VAMP7: variants seen among roughly 807,000 people sequenced by gnomAD.
VAMP7 encodes the protein vesicle-associated membrane protein 7.
VAMP7 carries 14 observed loss-of-function variants against 29.6 expected under a neutral mutation model. The observed-to-expected ratio is 0.47, with a 90% CI of 0.31 to 0.74. VAMP7 has a LOEUF of 0.74. Ranked by LOEUF, VAMP7 falls within the 30% of genes least tolerant of loss-of-function variation. The pLI, the probability that VAMP7 is intolerant of heterozygous loss-of-function variation, is 0.05. For missense variants in VAMP7, 223 were observed against 262.4 expected (o/e 0.85, Z 1.04); for synonymous variants, 95 against 88.1 (o/e 1.08, Z -0.44).
intron 1 of VAMP7, among the ~76,000 whole-genome samples, chrX:155,882,951 T>C (rs1429944084): frequency 6.6e-6 from 1 of 152,206 alleles, no homozygotes; most frequent in East Asian, 1.9e-4. Context: ...ATTCCTGTTC[T>C]TCATCCGAGG....
At chrX:155,887,820 A>G (rs1257394256) in intron 1 of VAMP7, among the ~76,000 whole-genome samples, 8 of 151,588 alleles carry the variant, frequency 5.3e-5, no homozygotes, top group Non-Finnish European at 1.2e-4. Context: ...AGTCCCAGAT[A>G]CTCCAGAGGC....
At chrX:155,936,140 G>A (rs915186631) in intron 6 of VAMP7, among the ~76,000 whole-genome samples, 6 of 152,116 alleles carry the variant, frequency 3.9e-5, no homozygotes, top group African/African-American at 1.4e-4. Context: ...AGGCTGCTTG[G>A]GGGTCAGGGA....
chrX:155,901,199 A>G (rs967495), intron 5 of VAMP7, among the ~76,000 whole-genome samples: 91,864 of 151,828 alleles, frequency 0.61, 27,915 homozygotes, highest in East Asian at 0.69. Flanking sequence ...ATTAATTATC[A>G]GGAATGGGAT....
intron 6 of VAMP7, among the ~76,000 whole-genome samples, chrX:155,923,762 C>T (rs1602992776): frequency 6.6e-6 from 1 of 152,158 alleles, no homozygotes; most frequent in African/African-American, 2.4e-5. Context: ...CTGTATTAAG[C>T]CACTTGAAGC....
intron 5 of VAMP7, among the ~76,000 whole-genome samples, chrX:155,913,920 GGT>G (rs1188827016): frequency 6.6e-6 from 1 of 152,120 alleles, no homozygotes; most frequent in Non-Finnish European, 1.5e-5. Flanking sequence ...GAAAGTCAAT[GGT>G]AGCTGGATGG....
intron 1 of VAMP7, among the ~76,000 whole-genome samples, chrX:155,886,607 A>G (rs2065868491): frequency 6.6e-6 from 1 of 152,096 alleles, no homozygotes; most frequent in African/African-American, 2.4e-5. Flanking sequence ...ACATATCTCT[A>G]GTTCCTCCAG....
At chrX:155,914,845 A>C (rs771709100) in intron 5 of VAMP7, among the ~76,000 whole-genome samples, 8 of 152,254 alleles carry the variant, frequency 5.3e-5, no homozygotes, top group East Asian at 1.9e-4. Flanking sequence ...TGTCTCTGCC[A>C]GGCTTTGGTA....
chrX:155,914,439 TG>T lies in VAMP7; in HGVS notation c.434-5372del, dbSNP rs1444592799. 3.9e-5 allele frequency among the ~76,000 whole-genome samples: 6 copies of T among 152,266 alleles called. No homozygotes were observed. The South Asian group carries it at 8.3e-4, about 21-fold the overall frequency. On this transcript the variant is annotated intron_variant, in intron 5 of 7. Transcript: ENST00000286448. ...GAGGGAGGGCATCCTTGTCTTGTGCTGGTTTTCAAAGGGAATACTTCCAGCT... is the reference window on the plus strand; with the variant it reads ...GAGGGAGGGCATCCTTGTCTTGTGCTGTTTTCAAAGGGAATACTTCCAGCT...
chrX:155,907,916 A>G (rs1415884484), intron 5 of VAMP7, among the ~76,000 whole-genome samples: 1 of 151,926 alleles, frequency 6.6e-6, no homozygotes, highest in African/African-American at 2.4e-5. Context: ...CTCACCTCCC[A>G]GAAGGGGCGG....
intron 5 of VAMP7, among the ~76,000 whole-genome samples, chrX:155,912,387 T>G (rs1444234457): frequency 6.6e-6 from 1 of 152,166 alleles, no homozygotes; most frequent in African/African-American, 2.4e-5. Flanking sequence ...ATACTTTAAA[T>G]TCTGGGATAC....
At chrX:155,933,133 G>T (rs1603015108) in intron 6 of VAMP7, among the ~76,000 whole-genome samples, 1 of 152,050 alleles carries the variant, frequency 6.6e-6, no homozygotes, top group South Asian at 2.1e-4. Context: ...TTTTGCGTCG[G>T]TGTTCATTAG....
At chrX:155,937,123 G>T (rs1182498294) in intron 6 of VAMP7, among the ~76,000 whole-genome samples, 2 of 151,958 alleles carry the variant, frequency 1.3e-5, no homozygotes, top group East Asian at 3.8e-4. Context: ...TCTAAAATGT[G>T]GATGAAACTA....
At chrX:155,932,870 A>G (rs895983518) in intron 6 of VAMP7, among the ~76,000 whole-genome samples, 2 of 152,168 alleles carry the variant, frequency 1.3e-5, no homozygotes, top group Non-Finnish European at 2.9e-5. Context: ...ATTTTGAAAT[A>G]CGTCCCATCA....
At chrX:155,917,830 G>C (rs937668661) in intron 5 of VAMP7, among the ~76,000 whole-genome samples, 1 of 152,182 alleles carries the variant, frequency 6.6e-6, no homozygotes, top group African/African-American at 2.4e-5. Flanking sequence ...CAGAGCTTGA[G>C]CACTGTGCTG....
At chrX:155,934,233 G>C (rs1358889691) in intron 6 of VAMP7, among the ~76,000 whole-genome samples, 3 of 152,182 alleles carry the variant, frequency 2.0e-5, no homozygotes, top group Non-Finnish European at 4.4e-5. Flanking sequence ...GTGCAGAGCT[G>C]AGTTCAATTC....
Position 155,942,587 on chromosome X carries a change from A to T in VAMP7, c.*636A>T, listed in dbSNP as rs2066762670. 5.6e-6 allele frequency: 1 copy of T among 178,452 alleles called. No individual in the cohort carries two copies. The allele number at this position is 178,452 out of a possible 1,614,324, so 11.1% of individuals were successfully genotyped here. On this transcript the variant is annotated 3_prime_UTR_variant, in exon 8 of 8. Coordinates refer to ENST00000286448, the MANE Select transcript of VAMP7 (RefSeq NM_005638.6). The stretch of plus-strand genomic sequence containing the variant: ...ATATTGACTTTCAGGAATAAAGTTC[A>T]GTGTGCTGATCATTCACAATACAGT...
chrX:155,938,214 C>T (rs1275390542), intron 6 of VAMP7, among the ~76,000 whole-genome samples: 1 of 152,118 alleles, frequency 6.6e-6, no homozygotes, highest in African/African-American at 2.4e-5. Flanking sequence ...TGTCTCCTCA[C>T]TTTAACTGCT....
At chrX:155,919,964 A>C (rs2066372196) in intron 6 of VAMP7, 84 bp downstream of exon 6, 2 of 1,104,982 alleles carry the variant, frequency 1.8e-6, no homozygotes, top group Non-Finnish European at 2.7e-6. Context: ...GAAATACCTT[A>C]AATTCAAATA....
intron 6 of VAMP7, among the ~76,000 whole-genome samples, chrX:155,930,818 A>G (rs1053958506): frequency 4.0e-5 from 6 of 151,884 alleles, no homozygotes; most frequent in African/African-American, 1.5e-4. Flanking sequence ...CCATTAACTC[A>G]TCATTTACAT....
Sources: allele counts gnomAD v4.1 joint callset (sites outside exome capture counted in the v4.1 genomes callset), GRCh38; gene constraint gnomAD v4.1.1; transcripts MANE v1.5; gene names NCBI Gene and HGNC (gene_info 2026-07-23, HGNC 2026-07-21).